Variants in CFAP45 observed in about 807,000 individuals in gnomAD.
CFAP45 encodes cilia- and flagella-associated protein 45.
A neutral mutation model predicts 75.6 loss-of-function variants in CFAP45; 43 were observed. The observed-to-expected ratio is 0.57, with a 90% CI of 0.45 to 0.73. The LOEUF (loss-of-function observed/expected upper bound fraction) is 0.73, where lower values mean the gene tolerates loss of function less well. Ranked by LOEUF, CFAP45 falls within the 30% of genes least tolerant of loss-of-function variation. The pLI, the probability that CFAP45 is intolerant of heterozygous loss-of-function variation, is 0.00. For missense variants in CFAP45, 689 were observed against 701.5 expected, an observed-to-expected ratio of 0.98 and a Z score of 0.20; for synonymous variants, 223 against 244.6, an observed-to-expected ratio of 0.91 and a Z score of 0.82.
intron 5 of CFAP45, 115 bp downstream of exon 5, chr1:159,887,726 G>GC: frequency 2.3e-6 from 2 of 877,430 alleles, no homozygotes; most frequent in Non-Finnish European, 3.5e-6. Context: ...GCTCTCCCCC[G>GC]CCCCACCCCT....
intron 10 of CFAP45, among the ~76,000 whole-genome samples, chr1:159,874,527 C>T (rs1357314056): frequency 1.3e-5 from 2 of 152,222 alleles, no homozygotes; most frequent in African/African-American, 2.4e-5. Context: ...GGGGACTCTC[C>T]TCTTTGCCTT....
At chr1:159,897,780 A>G (rs948520267) in intron 1 of CFAP45, among the ~76,000 whole-genome samples, 4 of 152,238 alleles carry the variant, frequency 2.6e-5, no homozygotes, top group Admixed American at 2.6e-4. Context: ...AAAAAAAACA[A>G]TAAAACAATT....
chr1:159,893,342 T>A, intron 1 of CFAP45, 37 bp from the exon 2 acceptor site: 1 of 1,607,824 alleles, frequency 6.2e-7, no homozygotes, highest in Non-Finnish European at 8.5e-7. Context: ...TCATCAGTAC[T>A]GAGTGGCATC....
intron 1 of CFAP45, among the ~76,000 whole-genome samples, chr1:159,894,730 C>G (rs1649913474): frequency 6.6e-6 from 1 of 152,164 alleles, no homozygotes; most frequent in African/African-American, 2.4e-5. Flanking sequence ...CTGAAAACAT[C>G]AAATATTCAC....
chr1:159,898,773 G>A (rs1393778055), intron 1 of CFAP45, among the ~76,000 whole-genome samples: 3 of 152,128 alleles, frequency 2.0e-5, no homozygotes, highest in Admixed American at 6.5e-5. Context: ...ACATACATAC[G>A]CCACTGTGTT....
chr1:159,873,513 C>A, intron 10 of CFAP45: 1 of 291,864 alleles, frequency 3.4e-6, no homozygotes, highest in South Asian at 4.2e-5. Flanking sequence ...CTCTGTCACC[C>A]AGGCTGGAAT....
At chr1:159,895,910 C>T (rs1299909356) in intron 1 of CFAP45, among the ~76,000 whole-genome samples, 2 of 152,192 alleles carry the variant, frequency 1.3e-5, no homozygotes, top group Non-Finnish European at 2.9e-5. Flanking sequence ...AACAATATAG[C>T]AATGTGCATT....
chr1:159,898,102 C>T (rs781617455), intron 1 of CFAP45: 4 of 985,306 alleles, frequency 4.1e-6, no homozygotes, highest in South Asian at 9.4e-5. Context: ...GCACAGTCTC[C>T]GCAGGCTGGC....
rs770401300 is a variant in CFAP45 at position 159,893,261 on chromosome 1, G to A, written c.48C>T (p.Ser16=). The A allele has an allele frequency of 5.9e-5, 96 of 1,613,762 alleles. 2 individuals carry two copies. The South Asian group carries it at 1.0e-3, about 18-fold the overall frequency. ...AGCGAGCCTTATTCCTTGACCTGTTGGAAGCGGCAGAAGAGGAGCTCAGGA... is the reference window on the plus strand; with the variant it reads ...AGCGAGCCTTATTCCTTGACCTGTTAGAAGCGGCAGAAGAGGAGCTCAGGA... ...AGILSSSSAA[S]NRSRNKARYR... Residue 16 remains serine (S), a synonymous_variant, in exon 2 of 12, where the codon TCC becomes TCT. Coordinates refer to ENST00000368099, the MANE Select transcript of CFAP45 (RefSeq NM_012337.3).
At chr1:159,885,164 C>T (rs1322072057) in intron 6 of CFAP45, among the ~76,000 whole-genome samples, 2 of 152,072 alleles carry the variant, frequency 1.3e-5, no homozygotes, top group African/African-American at 4.8e-5. Context: ...CTTCATGACT[C>T]CAGATGAAGT....
chr1:159,880,554 C>CT lies in CFAP45; in HGVS notation c.1043_1044insA (p.Met348IlefsTer8). On this transcript the variant is annotated frameshift_variant and splice_region_variant, in exon 8 of 12. Transcript: ENST00000368099. LOFTEE classifies it high-confidence loss of function. ...AAGGTCCCAGAAACCAAGTCCCTAC[C>CT]ATCTTCTTCTTGGTAAACTCCATCA... 1 of 1,611,858 alleles carries CT rather than the reference C, an allele frequency of 6.2e-7. No individual in the cohort carries two copies. Among genetic ancestry groups the CT allele is most frequent in the Non-Finnish European group, 8.5e-7 (1 of 1,178,914 alleles).
In CFAP45 at chr1:159,886,761, G is replaced by C. The variant is rs1474042599; in HGVS notation, c.589-72C>G. ...AGTTTAAGGGGAAGAAATGGAAACAGAATGCTATACTGCTGAGCATGCTGG... is the reference window on the plus strand; with the variant it reads ...AGTTTAAGGGGAAGAAATGGAAACACAATGCTATACTGCTGAGCATGCTGG... On this transcript the variant is annotated intron_variant, in intron 5 of 11. Transcript: ENST00000368099. 5 of 1,274,524 alleles carry C rather than the reference G, an allele frequency of 3.9e-6. No homozygotes were observed. The Admixed American group carries it at 5.1e-5, about 13-fold the overall frequency. The allele number at this position is 1,274,524 out of a possible 1,614,324, so 79.0% of individuals were successfully genotyped here. A position where few individuals can be genotyped will look rare whatever the true frequency, so the allele number is the denominator to read the frequency against.
chr1:159,898,282 C>A (rs1332540534), intron 1 of CFAP45: 3 of 949,192 alleles, frequency 3.2e-6, no homozygotes, highest in Middle Eastern at 5.4e-4. Flanking sequence ...TAGGATGCCA[C>A]CAGAAGATAA....
At position 159,884,921 on chromosome 1, in the gene CFAP45, T is replaced by C. The variant is rs931271467; in HGVS notation, c.768-356A>G. On this transcript the variant is annotated intron_variant, in intron 6 of 11. Transcript: ENST00000368099. ...CTCCCAATTCTTCCCAGAGTAATCA[T>C]AGGAAGCTAGCTGAATAGTAAAAAG... 7.2e-5 allele frequency among the ~76,000 whole-genome samples: 11 copies of C among 152,258 alleles called. No homozygotes were observed. The South Asian group carries it at 2.3e-3, about 32-fold the overall frequency.
chr1:159,888,483 C>G lies in CFAP45; in HGVS notation c.286G>C (p.Asp96His). Reference sequence around the variant, plus strand: ...ATGATTAGGGACTCCCCGGAGGGATCCTCTGTGGGAACACTGTCACAAGAA... The same window carrying G: ...ATGATTAGGGACTCCCCGGAGGGATGCTCTGTGGGAACACTGTCACAAGAA... ...MVRELIVPTEDPSGESLIISP... is the reference protein window; with the variant it reads ...MVRELIVPTEHPSGESLIISP... The change falls in exon 4 of 12, where the codon GAT becomes CAT. Residue 96 changes from aspartate to histidine, a missense_variant. Physicochemically the swap from Asp to His is moderately conservative, Grantham distance 81. Coordinates refer to ENST00000368099, the MANE Select transcript of CFAP45 (RefSeq NM_012337.3). 2.5e-6 allele frequency: 4 copies of G among 1,613,926 alleles called. No homozygotes were observed. The highest frequency in any genetic ancestry group is 3.3e-5 in the Admixed American group (2 of 60,010).
At chr1:159,897,244 A>T (rs1649972547) in intron 1 of CFAP45, among the ~76,000 whole-genome samples, 1 of 152,044 alleles carries the variant, frequency 6.6e-6, no homozygotes, top group South Asian at 2.1e-4. Context: ...AGCCTGGGTG[A>T]CAGAGCAAGA....
At chr1:159,875,550 C>T (rs1649380272) in intron 10 of CFAP45, among the ~76,000 whole-genome samples, 1 of 152,154 alleles carries the variant, frequency 6.6e-6, no homozygotes, top group Admixed American at 6.5e-5. Context: ...GTCTGGCATG[C>T]CACTAACTAC....
chr1:159,888,388 C>T lies in CFAP45; in HGVS notation c.381G>A (p.Arg127=). ...CCTTCTCCTTCTTGAAGGCCTGGTCCCTGGCCTCAAGTTCTTCTCTGGTCA... is the reference window on the plus strand; with the variant it reads ...CCTTCTCCTTCTTGAAGGCCTGGTCTCTGGCCTCAAGTTCTTCTCTGGTCA... The part of the protein sequence containing the change: ...HVLTREELEA[R]DQAFKKEKEA... The change falls in exon 4 of 12, where the codon AGG becomes AGA. Residue 127 remains arginine, a synonymous_variant. Transcript: ENST00000368099. 6 of 1,613,774 alleles carry T rather than the reference C, an allele frequency of 3.7e-6. No homozygotes were observed. The South Asian group carries it at 6.6e-5, about 18-fold the overall frequency.
Position 159,876,542 on chromosome 1 carries a change from C to T in CFAP45, c.1352+14G>A. On this transcript the variant is annotated intron_variant, in intron 10 of 11. Coordinates refer to ENST00000368099, the MANE Select transcript of CFAP45 (RefSeq NM_012337.3). ...TACAAGGAAAGGAATCCAAGGTTCC[C>T]AGGCCCCTCCTACCGAAGAATCCTC... The T allele has an allele frequency of 6.3e-7, 1 of 1,586,698 alleles. No individual in the cohort carries two copies. The highest frequency in any genetic ancestry group is 8.7e-7 in the Non-Finnish European group (1 of 1,155,276).
Sources: gnomAD v4.1 joint callset for allele counts (sites outside exome capture counted in the v4.1 genomes callset) on GRCh38, gnomAD v4.1.1 for gene constraint, MANE v1.5 for transcripts, NCBI Gene and HGNC (gene_info 2026-07-23, HGNC 2026-07-21) for gene names.